Variants in SEMA3A observed in about 807,000 individuals in gnomAD.
SEMA3A encodes the protein semaphorin 3A.
Under a neutral mutation model 97.9 loss-of-function variants are expected in SEMA3A, and 29 were observed. The observed-to-expected ratio is 0.30, with a 90% CI of 0.22 to 0.40. The LOEUF is 0.40. Among genes scored for constraint, SEMA3A ranks in the 10% least tolerant of loss-of-function variants. The pLI is 1.00. For synonymous variants in SEMA3A, 321 were observed against 323.7 expected, an observed-to-expected ratio of 0.99 and a Z score of 0.09; for missense variants, 763 against 951.3, an observed-to-expected ratio of 0.80 and a Z score of 2.60.
At chr7:84,116,072 C>CCATAGG (rs1795420149) in intron 3 of SEMA3A, among the ~76,000 whole-genome samples, 1 of 152,064 alleles carries the variant, frequency 6.6e-6, no homozygotes, top group Non-Finnish European at 1.5e-5. Context: ...AAAACTGAGC[C>CCATAGG]CATATTTTAG....
chr7:84,357,481 C>T (rs1389758915), intron 2 of SEMA3A, among the ~76,000 whole-genome samples: 1 of 152,094 alleles, frequency 6.6e-6, no homozygotes, highest in Non-Finnish European at 1.5e-5. Context: ...TTTTTTATGG[C>T]TGCATAGTAT....
intron 5 of SEMA3A, among the ~76,000 whole-genome samples, chr7:84,060,248 T>C (rs1793158753): frequency 1.3e-5 from 2 of 152,180 alleles, no homozygotes; most frequent in African/African-American, 4.8e-5. Flanking sequence ...AAGATCCTAT[T>C]CCATTTCCAT....
intron 1 of SEMA3A, among the ~76,000 whole-genome samples, chr7:84,154,641 A>C (rs1422232629): frequency 6.8e-6 from 1 of 147,630 alleles, no homozygotes; most frequent in Non-Finnish European, 1.5e-5. Flanking sequence ...GCGCCACTGC[A>C]CTCCAGCCTG....
chr7:84,077,848 A>G (rs1429027077), intron 4 of SEMA3A, among the ~76,000 whole-genome samples: 1 of 152,046 alleles, frequency 6.6e-6, no homozygotes, highest in Non-Finnish European at 1.5e-5. Flanking sequence ...AAGAAAAAAA[A>G]TCAAAGCAAG....
At chr7:84,484,692 T>A (rs933972230) in intron 1 of SEMA3A, among the ~76,000 whole-genome samples, 2 of 152,142 alleles carry the variant, frequency 1.3e-5, no homozygotes, top group Non-Finnish European at 2.9e-5. Context: ...TAGCATTATA[T>A]CCTCATAAAA....
chr7:84,402,421 T>C (rs78464286), intron 1 of SEMA3A, among the ~76,000 whole-genome samples: 14,609 of 152,230 alleles, frequency 0.096, 1,252 homozygotes, highest in African/African-American at 0.2. Context: ...ACAGCCATTA[T>C]GGAAAATAAT....
intron 3 of SEMA3A, among the ~76,000 whole-genome samples, chr7:84,288,875 G>T (rs777071515): frequency 2.6e-5 from 4 of 152,008 alleles, no homozygotes; most frequent in African/African-American, 4.8e-5. Flanking sequence ...ATATCTAAAA[G>T]AAAGGAAATC....
At chr7:84,152,051 G>A (rs1293994282) in intron 1 of SEMA3A, among the ~76,000 whole-genome samples, 1 of 149,722 alleles carries the variant, frequency 6.7e-6, no homozygotes, top group Non-Finnish European at 1.5e-5. Context: ...AACAGGTGCT[G>A]GAGAGGATGT....
intron 1 of SEMA3A, among the ~76,000 whole-genome samples, chr7:84,426,277 C>CAGAT (rs1554384465): frequency 0.13 from 16,794 of 132,952 alleles, 1,002 homozygotes; most frequent in South Asian, 0.16. Flanking sequence ...GATATATAGA[C>CAGAT]AGATAGATAG....
At chr7:84,229,115 G>A (rs549083446) in intron 3 of SEMA3A, among the ~76,000 whole-genome samples, 3 of 151,932 alleles carry the variant, frequency 2.0e-5, no homozygotes, top group African/African-American at 7.2e-5. Flanking sequence ...GATTAAACAT[G>A]GATATAGTTT....
chr7:84,338,110 A>G (rs1372704201), intron 2 of SEMA3A, among the ~76,000 whole-genome samples: 1 of 151,718 alleles, frequency 6.6e-6, no homozygotes, highest in Non-Finnish European at 1.5e-5. Context: ...CTGTATAAGT[A>G]TGTGCATATA....
At chr7:84,183,411 A>C (rs535845577) in intron 1 of SEMA3A, among the ~76,000 whole-genome samples, 23 of 152,268 alleles carry the variant, frequency 1.5e-4, no homozygotes, top group African/African-American at 5.1e-4. Flanking sequence ...CTATCATTCA[A>C]TAATAAGTAA....
chr7:84,028,736 C>G (rs568171924), intron 6 of SEMA3A, among the ~76,000 whole-genome samples: 1 of 152,286 alleles, frequency 6.6e-6, no homozygotes, highest in South Asian at 2.1e-4. Context: ...TCCCGAGTAG[C>G]TGGGACTACA....
intron 4 of SEMA3A, among the ~76,000 whole-genome samples, chr7:84,081,454 G>A (rs922450072): frequency 2.0e-5 from 3 of 151,962 alleles, no homozygotes; most frequent in African/African-American, 7.3e-5. Context: ...TTATCTGGGC[G>A]TGTTGGTGGG....
At chr7:84,229,409 T>G (rs1799066153) in intron 3 of SEMA3A, among the ~76,000 whole-genome samples, 1 of 152,140 alleles carries the variant, frequency 6.6e-6, no homozygotes, top group Admixed American at 6.6e-5. Context: ...AAACATACAC[T>G]TTTTCCTTTG....
intron 4 of SEMA3A, among the ~76,000 whole-genome samples, chr7:84,066,973 A>T (rs969766913): frequency 6.6e-5 from 10 of 152,124 alleles, no homozygotes; most frequent in African/African-American, 2.4e-4. Flanking sequence ...AGTCAATCCT[A>T]AGCCAAAAGA....
At chr7:84,097,037 A>G (rs1041207923) in intron 4 of SEMA3A, among the ~76,000 whole-genome samples, 14 of 152,122 alleles carry the variant, frequency 9.2e-5, no homozygotes, top group African/African-American at 3.4e-4. Context: ...TCTTAAGGGC[A>G]AAGGTTACAA....
intron 1 of SEMA3A, among the ~76,000 whole-genome samples, chr7:84,454,054 C>T (rs1422356511): frequency 6.6e-6 from 1 of 152,156 alleles, no homozygotes; most frequent in Non-Finnish European, 1.5e-5. Context: ...CAATTATTTA[C>T]AGTACATGGA....
chr7:84,140,108 A>C (rs1796254317), intron 1 of SEMA3A, among the ~76,000 whole-genome samples: 1 of 152,088 alleles, frequency 6.6e-6, no homozygotes, highest in African/African-American at 2.4e-5. Context: ...TGTTAAATGG[A>C]AAGAAAAAAG....
Sources: allele counts gnomAD v4.1 joint callset (sites outside exome capture counted in the v4.1 genomes callset), GRCh38; gene constraint gnomAD v4.1.1; transcripts MANE v1.5; gene names NCBI Gene and HGNC (gene_info 2026-07-23, HGNC 2026-07-21).